FNBP4: variants seen among roughly 807,000 people sequenced by gnomAD.
FNBP4 encodes formin binding protein 4.
A neutral mutation model predicts 119.3 loss-of-function variants in FNBP4; 34 were observed. That is an observed-to-expected ratio of 0.28 (90% CI 0.22 to 0.38). FNBP4 has a LOEUF of 0.38. Ranked by LOEUF, FNBP4 falls within the 10% of genes least tolerant of loss-of-function variation. The pLI, the probability that FNBP4 is intolerant of heterozygous loss-of-function variation, is 1.00. For missense variants in FNBP4, 1,112 were observed against 1,228.9 expected (o/e 0.90, Z 1.42); for synonymous variants, 462 against 430.6 (o/e 1.07, Z -0.90).
At chr11:47,762,217 C>T (rs1199394893) in intron 2 of FNBP4, among the ~76,000 whole-genome samples, 3 of 150,950 alleles carry the variant, frequency 2.0e-5, no homozygotes, top group Non-Finnish European at 3.0e-5. Flanking sequence ...TTGCAACCTC[C>T]GCCTCCCGGG....
chr11:47,724,348 C>A, intron 13 of FNBP4, 120 bp downstream of exon 13: 1 of 1,560,896 alleles, frequency 6.4e-7, no homozygotes, highest in South Asian at 1.2e-5. Context: ...TCCCAAAGGT[C>A]TAGGATATAG....
At chr11:47,731,185 T>G (rs2097566963) in intron 12 of FNBP4, 189 bp downstream of exon 12, 1 of 509,046 alleles carries the variant, frequency 2.0e-6, no homozygotes, top group Non-Finnish European at 3.2e-6. Flanking sequence ...GGCACAGTTT[T>G]ACACGTGATA....
intron 4 of FNBP4, chr11:47,752,631 G>C (rs2097606461): frequency 4.1e-6 from 1 of 245,778 alleles, no homozygotes; most frequent in Non-Finnish European, 8.0e-6. Flanking sequence ...GCAACACAGT[G>C]AAACCACGTC....
intron 15 of FNBP4, 67 bp from the exon 16 acceptor site, chr11:47,720,153 G>T (rs1274018742): frequency 6.9e-7 from 1 of 1,445,016 alleles, no homozygotes; most frequent in Non-Finnish European, 9.3e-7. Context: ...CCTCTACAAT[G>T]GAGGTCAGGA....
At chr11:47,744,432 CT>C (rs1259445381) in intron 7 of FNBP4, among the ~76,000 whole-genome samples, 1 of 151,314 alleles carries the variant, frequency 6.6e-6, no homozygotes, top group Non-Finnish European at 1.5e-5. Flanking sequence ...TGTCATCATA[CT>C]TTTTTTTTCT....
At chr11:47,759,027 T>C (rs1185046858) in intron 2 of FNBP4, among the ~76,000 whole-genome samples, 2 of 151,052 alleles carry the variant, frequency 1.3e-5, no homozygotes, top group Non-Finnish European at 2.9e-5. Context: ...CAGGTGATTC[T>C]CTTGCCTCAG....
At chr11:47,727,966 G>A (rs888731845) in intron 12 of FNBP4, among the ~76,000 whole-genome samples, 2 of 151,964 alleles carry the variant, frequency 1.3e-5, no homozygotes, top group Admixed American at 6.6e-5. Context: ...CACAACCTCC[G>A]CCTCCTGGGT....
intron 14 of FNBP4, 30 bp downstream of exon 14, chr11:47,723,998 G>GA: frequency 6.3e-7 from 1 of 1,592,612 alleles, no homozygotes; most frequent in Non-Finnish European, 8.5e-7. Flanking sequence ...ACAATACATT[G>GA]AGGAAAAACC....
intron 6 of FNBP4, 75 bp from the exon 7 acceptor site, chr11:47,746,469 C>G: frequency 2.4e-6 from 3 of 1,241,314 alleles, no homozygotes; most frequent in Non-Finnish European, 2.2e-6. Context: ...CAATTGCACA[C>G]ACATTCATAT....
chr11:47,734,477 A>G (rs375248134), intron 9 of FNBP4, among the ~76,000 whole-genome samples: 4 of 152,226 alleles, frequency 2.6e-5, no homozygotes, highest in Admixed American at 6.5e-5. Flanking sequence ...TTAGTCTCCC[A>G]AAGTGCTGAG....
At chr11:47,742,938 T>G (rs1205014493) in intron 8 of FNBP4, among the ~76,000 whole-genome samples, 2 of 141,234 alleles carry the variant, frequency 1.4e-5, no homozygotes, top group East Asian at 1.9e-4. Flanking sequence ...AAGGATGTCT[T>G]TCTTTATTTA....
chr11:47,717,337 A>G lies in FNBP4; in HGVS notation c.*85T>C. 1.2e-6 allele frequency: 1 copy of G among 847,766 alleles called. No individual in the cohort carries two copies. Among genetic ancestry groups the G allele is most frequent in the Non-Finnish European group, 1.9e-6 (1 of 533,786 alleles). The allele number at this position is 847,766 out of a possible 1,614,324, so 52.5% of individuals were successfully genotyped here. ...ATAAGATCTCCCCCATAACATTTAT[A>G]GTTTATTTGACAATAAAACTGGTTA... On this transcript the variant is annotated 3_prime_UTR_variant, in exon 17 of 17. Transcript: ENST00000263773.
intron 8 of FNBP4, 117 bp from the exon 9 acceptor site, chr11:47,736,857 T>C: frequency 1.0e-6 from 1 of 976,456 alleles, no homozygotes; most frequent in South Asian, 1.5e-5. Flanking sequence ...TCTTGCCTGT[T>C]TTACTTACTT....
Position 47,746,155 on chromosome 11 carries a change from A to C in FNBP4, c.1146T>G (p.Pro382=). The part of the protein sequence containing the change: ...QEIMLDNIED[P]SQEDLCSVVQ... Reference sequence around the variant, plus strand: ...CAACACTGCAAAGATCCTCCTGAGAAGGGTCTTCTATATTGTCCAACATAA... The same window carrying C: ...CAACACTGCAAAGATCCTCCTGAGACGGGTCTTCTATATTGTCCAACATAA... Residue 382 remains proline (P), a synonymous_variant, in exon 7 of 17, where the codon CCT becomes CCG. Coordinates refer to ENST00000263773, the MANE Select transcript of FNBP4 (RefSeq NM_015308.5). The C allele has an allele frequency of 1.2e-6, 2 of 1,614,166 alleles. No homozygotes were observed. The highest frequency in any genetic ancestry group is 1.7e-6 in the Non-Finnish European group (2 of 1,180,020).
chr11:47,765,582 G>GGGGGC (rs1565173164), intron 1 of FNBP4, among the ~76,000 whole-genome samples: 2 of 52,658 alleles, frequency 3.8e-5, no homozygotes, highest in African/African-American at 1.2e-4. Context: ...GGGGGGGGGG[G>GGGGGC]CCACTTGAGG....
At chr11:47,765,208 C>A in intron 2 of FNBP4, 62 bp downstream of exon 2, 1 of 1,100,804 alleles carries the variant, frequency 9.1e-7, no homozygotes, top group Non-Finnish European at 1.4e-6. Flanking sequence ...TATGTACAAA[C>A]CCAACTTGAC....
intron 6 of FNBP4, among the ~76,000 whole-genome samples, chr11:47,750,229 A>C (rs2097599278): frequency 6.6e-6 from 1 of 151,794 alleles, no homozygotes; most frequent in African/African-American, 2.4e-5. Flanking sequence ...AAATACAAAA[A>C]TTAGCCAGGC....
intron 7 of FNBP4, among the ~76,000 whole-genome samples, chr11:47,745,547 T>C (rs1340748022): frequency 6.6e-6 from 1 of 152,092 alleles, no homozygotes; most frequent in East Asian, 1.9e-4. Flanking sequence ...GAACCCTGTT[T>C]TCTGTTGTTT....
chr11:47,760,385 C>T (rs779979193), intron 2 of FNBP4, among the ~76,000 whole-genome samples: 4 of 151,358 alleles, frequency 2.6e-5, no homozygotes, highest in Non-Finnish European at 5.9e-5. Flanking sequence ...CCTCAGCCTA[C>T]CAAGTAGTTG....
Sources: allele counts gnomAD v4.1 joint callset (sites outside exome capture counted in the v4.1 genomes callset), GRCh38; gene constraint gnomAD v4.1.1; transcripts MANE v1.5; gene names NCBI Gene and HGNC (gene_info 2026-07-23, HGNC 2026-07-21).